Variants in TARP observed in about 807,000 individuals in gnomAD.
chr7:38,267,793 C>T, the TARP span, among the ~76,000 whole-genome samples: 1 of 151,122 alleles, frequency 6.6e-6, no homozygotes, highest in South Asian at 2.1e-4. Context: ...AGTCTCTAGT[C>T]AATATATTTT....
chr7:38,273,021 A>T, the TARP span, among the ~76,000 whole-genome samples: 1 of 151,302 alleles, frequency 6.6e-6, no homozygotes, highest in Non-Finnish European at 1.5e-5. Flanking sequence ...GAGTATCTTT[A>T]TGAGATGTTT....
chr7:38,268,324 T>C, the TARP span, among the ~76,000 whole-genome samples: 3 of 151,656 alleles, frequency 2.0e-5, no homozygotes, highest in Non-Finnish European at 4.4e-5. Context: ...AATGCAGCAT[T>C]GTAAATTTAC....
chr7:38,268,845 C>A, the TARP span, among the ~76,000 whole-genome samples: 1 of 151,298 alleles, frequency 6.6e-6, no homozygotes, highest in South Asian at 2.1e-4. Context: ...ATTAGATGGA[C>A]TGAGAGCAAC....
the TARP span, among the ~76,000 whole-genome samples, chr7:38,266,636 C>T: frequency 1.3e-5 from 2 of 151,572 alleles, no homozygotes; most frequent in Admixed American, 6.6e-5. Context: ...TACACAGTCA[C>T]TTGTTTTAAA....
the TARP span, among the ~76,000 whole-genome samples, chr7:38,262,950 C>T: frequency 6.6e-6 from 1 of 151,644 alleles, no homozygotes; most frequent in East Asian, 1.9e-4. Flanking sequence ...TAAGCCACCA[C>T]ACTCGGCCAA....
the TARP span, among the ~76,000 whole-genome samples, chr7:38,263,348 A>G: frequency 6.6e-6 from 1 of 152,084 alleles, no homozygotes; most frequent in Non-Finnish European, 1.5e-5. Context: ...CAGAGCCAGT[A>G]TTCAGACAGT....
the TARP span, among the ~76,000 whole-genome samples, chr7:38,261,156 C>T: frequency 4.6e-5 from 7 of 151,654 alleles, no homozygotes; most frequent in Non-Finnish European, 8.8e-5. Context: ...AGTGAAAGTC[C>T]AGTCTGCAAA....
chr7:38,270,035 G>C, the TARP span, among the ~76,000 whole-genome samples: 1 of 151,918 alleles, frequency 6.6e-6, no homozygotes, highest in South Asian at 2.1e-4. Context: ...CTAGGAGTTC[G>C]AGGCTGCAGT....
the TARP span, among the ~76,000 whole-genome samples, chr7:38,262,548 C>T: frequency 6.6e-6 from 1 of 151,686 alleles, no homozygotes; most frequent in Admixed American, 6.6e-5. Flanking sequence ...TTGATAAATA[C>T]TTGTTCAATG....
At chr7:38,268,753 C>T in the TARP span, among the ~76,000 whole-genome samples, 3 of 151,614 alleles carry the variant, frequency 2.0e-5, no homozygotes, top group East Asian at 5.8e-4. Flanking sequence ...TCAATTTTTG[C>T]GTGTGTGAGC....
the TARP span, among the ~76,000 whole-genome samples, chr7:38,271,799 A>G: frequency 2.6e-5 from 4 of 151,530 alleles, no homozygotes; most frequent in Admixed American, 1.3e-4. Flanking sequence ...CTTTACATGC[A>G]TGTGAAGCAT....
the TARP span, among the ~76,000 whole-genome samples, chr7:38,271,796 T>C: frequency 6.6e-6 from 1 of 151,246 alleles, no homozygotes; most frequent in Admixed American, 6.6e-5. Flanking sequence ...ATGCTTTACA[T>C]GCATGTGAAG....
At chr7:38,263,672 A>G in the TARP span, among the ~76,000 whole-genome samples, 1 of 151,658 alleles carries the variant, frequency 6.6e-6, no homozygotes, top group African/African-American at 2.4e-5. Flanking sequence ...GCAAACATGC[A>G]TACAAAGACA....
chr7:38,271,803 G>A, the TARP span, among the ~76,000 whole-genome samples: 1 of 151,022 alleles, frequency 6.6e-6, no homozygotes, highest in Non-Finnish European at 1.5e-5. Flanking sequence ...ACATGCATGT[G>A]AAGCATCAAA....
the TARP span, among the ~76,000 whole-genome samples, chr7:38,260,984 T>C: frequency 6.6e-6 from 1 of 151,904 alleles, no homozygotes; most frequent in Non-Finnish European, 1.5e-5. Context: ...CAAGTACTCA[T>C]TCTGTGTCTG....
the TARP span, among the ~76,000 whole-genome samples, chr7:38,269,854 C>T: frequency 6.6e-6 from 1 of 152,120 alleles, no homozygotes; most frequent in Non-Finnish European, 1.5e-5. Flanking sequence ...AATTCCAGCA[C>T]TTTGGGAGGC....
At chr7:38,273,304 CAAAACTA>C in the TARP span, among the ~76,000 whole-genome samples, 1 of 148,706 alleles carries the variant, frequency 6.7e-6, no homozygotes, top group East Asian at 1.9e-4. Context: ...AATAAAATCT[CAAAACTA>C]AACTTGTTCA....
the TARP span, among the ~76,000 whole-genome samples, chr7:38,261,915 T>C: frequency 6.8e-6 from 1 of 147,768 alleles, no homozygotes; most frequent in African/African-American, 2.5e-5. Flanking sequence ...GACACATGAA[T>C]GAATAAAATC....
the TARP span, among the ~76,000 whole-genome samples, chr7:38,263,723 G>A: frequency 1.5e-5 from 2 of 134,760 alleles, no homozygotes; most frequent in African/African-American, 5.9e-5. Context: ...GCATTGGTGT[G>A]TTGGTTTATT....
Sources: allele counts gnomAD v4.1 joint callset (sites outside exome capture counted in the v4.1 genomes callset), GRCh38; gene constraint gnomAD v4.1.1; transcripts MANE v1.5.